GSG1L: variants seen among roughly 807,000 people sequenced by gnomAD.
The protein encoded by GSG1L is GSG1 like.
Under a neutral mutation model 42.1 loss-of-function variants are expected in GSG1L, and 24 were observed. That is an observed-to-expected ratio of 0.57 (90% CI 0.41 to 0.80). The LOEUF is 0.80. GSG1L is among the 30% of genes least tolerant of loss of function. The pLI, the probability that GSG1L is intolerant of heterozygous loss-of-function variation, is 0.00. For synonymous variants in GSG1L, 215 were observed against 203.5 expected (o/e 1.06, Z -0.48); for missense variants, 445 against 472.2 (o/e 0.94, Z 0.53).
chr16:28,010,591 C>A (rs543267560), intron 1 of GSG1L, among the ~76,000 whole-genome samples: 91 of 152,272 alleles, frequency 6.0e-4, no homozygotes, highest in African/African-American at 2.0e-3. Context: ...CTCCATGAGA[C>A]CTGCACCCAC....
At chr16:27,957,164 C>T (rs917091876) in intron 2 of GSG1L, among the ~76,000 whole-genome samples, 1 of 152,136 alleles carries the variant, frequency 6.6e-6, no homozygotes, top group Non-Finnish European at 1.5e-5. Flanking sequence ...GCCTGGCTAA[C>T]ATGACAAAAC....
Position 27,952,628 on chromosome 16 carries a change from G to A in GSG1L, c.397+10528C>T, listed in dbSNP as rs376448539. ...TGAAAAGGCAGACAAGAACTAGACC[G>A]TGCTGGGCCATAAATGCCAGGTTAA... is the stretch of plus-strand genomic sequence containing the variant. On this transcript the variant is annotated intron_variant, in intron 2 of 6. Transcript: ENST00000447459. 1.2e-4 allele frequency among the ~76,000 whole-genome samples: 18 copies of A among 152,324 alleles called. No individual in the cohort carries two copies. In the South Asian group the frequency reaches 2.1e-3, roughly 18 times the overall value.
intron 2 of GSG1L, among the ~76,000 whole-genome samples, chr16:27,908,917 C>A (rs2084349801): frequency 6.6e-6 from 1 of 152,188 alleles, no homozygotes; most frequent in African/African-American, 2.4e-5. Flanking sequence ...TCCCACCCCA[C>A]CCCAAAGGCT....
chr16:27,824,374 C>T (rs1212644569), intron 5 of GSG1L, among the ~76,000 whole-genome samples: 1 of 152,128 alleles, frequency 6.6e-6, no homozygotes, highest in African/African-American at 2.4e-5. Flanking sequence ...CCCTCTGTCC[C>T]CCGTGGAGGA....
At chr16:27,866,184 T>C (rs2083721708) in intron 3 of GSG1L, among the ~76,000 whole-genome samples, 1 of 152,204 alleles carries the variant, frequency 6.6e-6, no homozygotes, top group Non-Finnish European at 1.5e-5. Context: ...AGATACATTC[T>C]TCCCTTTCTG....
chr16:27,803,131 GTGCATA>G (rs982083470), intron 6 of GSG1L, among the ~76,000 whole-genome samples: 49 of 152,010 alleles, frequency 3.2e-4, no homozygotes, highest in African/African-American at 1.0e-3. Flanking sequence ...CAAAAATTCT[GTGCATA>G]TCCTAGGTCC....
At chr16:27,824,110 G>A (rs1208893700) in intron 5 of GSG1L, among the ~76,000 whole-genome samples, 2 of 152,186 alleles carry the variant, frequency 1.3e-5, no homozygotes, top group Admixed American at 6.5e-5. Flanking sequence ...TCACTCTGGG[G>A]TCTGGTGAGG....
At chr16:27,998,570 T>C (rs2085545155) in intron 1 of GSG1L, among the ~76,000 whole-genome samples, 1 of 152,108 alleles carries the variant, frequency 6.6e-6, no homozygotes, top group African/African-American at 2.4e-5. Flanking sequence ...GGAGGATTGC[T>C]TGAGGCCAGG....
At chr16:27,917,412 G>A (rs1166973002) in intron 2 of GSG1L, among the ~76,000 whole-genome samples, 2 of 151,734 alleles carry the variant, frequency 1.3e-5, no homozygotes, top group Non-Finnish European at 2.9e-5. Flanking sequence ...GATGTAGGGG[G>A]AATGAGCAGG....
intron 1 of GSG1L, among the ~76,000 whole-genome samples, chr16:27,995,253 C>G (rs1005136209): frequency 2.0e-5 from 3 of 152,146 alleles, no homozygotes; most frequent in African/African-American, 4.8e-5. Context: ...TTCTCAGACA[C>G]GAACGCCCTT....
chr16:28,013,639 C>A (rs528879383), intron 1 of GSG1L, among the ~76,000 whole-genome samples: 1 of 152,164 alleles, frequency 6.6e-6, no homozygotes, highest in South Asian at 2.1e-4. Context: ...AAGGAAGATG[C>A]GAAGATGGAC....
chr16:28,012,531 A>G (rs1049018545), intron 1 of GSG1L, among the ~76,000 whole-genome samples: 6 of 152,090 alleles, frequency 3.9e-5, no homozygotes, highest in Non-Finnish European at 8.8e-5. Flanking sequence ...TGTACCTGTC[A>G]TCATAGAGCT....
rs566004537 is a variant in GSG1L, at chr16:27,906,005, A to G, written c.398-21367T>C. ...AGGCACCCACAAAGCTTTTGCCAAT[A>G]TAAATGGCATTTCCTTTGGTATTTT... On this transcript the variant is annotated intron_variant, in intron 2 of 6. Coordinates refer to ENST00000447459, the MANE Select transcript of GSG1L (RefSeq NM_001109763.2). 1.5e-3 allele frequency among the ~76,000 whole-genome samples: 227 copies of G among 152,286 alleles called. 2 individuals carry two copies. Among genetic ancestry groups the G allele is most frequent in the Non-Finnish European group, 3.0e-3 (204 of 68,028 alleles).
chr16:27,860,609 AG>A (rs2083636567), intron 3 of GSG1L, among the ~76,000 whole-genome samples: 1 of 152,252 alleles, frequency 6.6e-6, no homozygotes, highest in Admixed American at 6.5e-5. Context: ...GGGAAAGCAC[AG>A]GGAAAAGACT....
At chr16:27,968,647 T>C (rs1443743605) in intron 1 of GSG1L, among the ~76,000 whole-genome samples, 2 of 152,188 alleles carry the variant, frequency 1.3e-5, no homozygotes, top group Non-Finnish European at 2.9e-5. Flanking sequence ...CTCCGCTCTG[T>C]GCCTCCTGAG....
chr16:28,035,596 T>G lies in GSG1L; in HGVS notation c.349+27480A>C, dbSNP rs2086025374. On this transcript the variant is annotated intron_variant, in intron 1 of 6. Transcript: ENST00000447459. ...GGAAGCACTTTGCTACTGTAAGTAC[T>G]CCATCATGATAATAGCCCCGACCTC... is the stretch of plus-strand genomic sequence containing the variant. Among the ~76,000 whole-genome samples the G allele has an allele frequency of 2.0e-5, 3 of 152,068 alleles. No homozygotes were observed. The South Asian group carries it at 6.2e-4, about 32-fold the overall frequency.
At chr16:27,995,005 T>C (rs1596683809) in intron 1 of GSG1L, among the ~76,000 whole-genome samples, 1 of 152,120 alleles carries the variant, frequency 6.6e-6, no homozygotes, top group African/African-American at 2.4e-5. Context: ...TGCCCTGAAA[T>C]TGGCAGCCAA....
At chr16:27,817,471 A>C (rs2083108753) in intron 5 of GSG1L, among the ~76,000 whole-genome samples, 1 of 152,154 alleles carries the variant, frequency 6.6e-6, no homozygotes. Context: ...TAAAGGACTA[A>C]GACTCCCCCC....
At chr16:27,842,914 C>A (rs918806218) in intron 4 of GSG1L, among the ~76,000 whole-genome samples, 3 of 151,882 alleles carry the variant, frequency 2.0e-5, no homozygotes, top group Admixed American at 6.6e-5. Context: ...CTTCAAAATT[C>A]TTCCTGGGGA....
Sources: gnomAD v4.1 joint callset for allele counts (sites outside exome capture counted in the v4.1 genomes callset) on GRCh38, gnomAD v4.1.1 for gene constraint, MANE v1.5 for transcripts, NCBI Gene and HGNC (gene_info 2026-07-23, HGNC 2026-07-21) for gene names.